Variants in RPH3A observed in about 807,000 individuals in gnomAD.
RPH3A encodes rabphilin-3A.
RPH3A carries 48 observed loss-of-function variants against 102.2 expected under a neutral mutation model. The ratio of observed to expected loss-of-function variants is 0.47; its 90% CI spans 0.37 to 0.60. The LOEUF (loss-of-function observed/expected upper bound fraction) is 0.60. RPH3A is among the 20% of genes least tolerant of loss of function. The probability of loss-of-function intolerance (pLI) is 0.00; values close to 1 mark genes in which losing one functional copy is unlikely to be tolerated. For synonymous variants in RPH3A, 310 were observed against 324.3 expected, an observed-to-expected ratio of 0.96 and a Z score of 0.47; for missense variants, 781 against 910.1, an observed-to-expected ratio of 0.86 and a Z score of 1.83.
intron 1 of RPH3A, among the ~76,000 whole-genome samples, chr12:112,783,489 C>T (rs942386396): frequency 1.3e-5 from 2 of 152,138 alleles, no homozygotes; most frequent in South Asian, 2.1e-4. Context: ...CTCCACTGGC[C>T]GGTAGCTTGG....
intron 1 of RPH3A, among the ~76,000 whole-genome samples, chr12:112,644,581 C>T (rs187446386): frequency 6.6e-6 from 1 of 152,216 alleles, no homozygotes; most frequent in African/African-American, 2.4e-5. Context: ...TGGTACAACA[C>T]CATCCATCTC....
At chr12:112,584,731 C>T (rs1393399346) in intron 1 of RPH3A, among the ~76,000 whole-genome samples, 2 of 152,118 alleles carry the variant, frequency 1.3e-5, no homozygotes, top group African/African-American at 4.8e-5. Context: ...TGGCTTTCCC[C>T]GGAAGGAATG....
At position 112,894,728 on chromosome 12, in the gene RPH3A, C is replaced by T. The variant is rs961247681; in HGVS notation, c.1857+69C>T. 4 of 1,325,330 alleles carry T rather than the reference C, an allele frequency of 3.0e-6. No individual in the cohort carries two copies. The Admixed American group carries it at 6.6e-5, about 22-fold the overall frequency. The allele number at this position is 1,325,330 out of a possible 1,614,324, so 82.1% of individuals were successfully genotyped here. A position where few individuals can be genotyped will look rare whatever the true frequency, so the allele number is the denominator to read the frequency against. On this transcript the variant is annotated intron_variant, in intron 20 of 21. Transcript: ENST00000389385. ...TGTGTTAGAGAGGCACAAATAGCCA[C>T]ATAGCCATTAAATATGTGGCCACAT...
intron 10 of RPH3A, 64 bp downstream of exon 10, chr12:112,870,103 G>A: frequency 2.0e-6 from 3 of 1,492,634 alleles, no homozygotes; most frequent in South Asian, 2.6e-5. Flanking sequence ...AGAATGAGGG[G>A]AACTGTGTTT....
At chr12:112,862,490 T>TAAA (rs2042535859) in intron 5 of RPH3A, among the ~76,000 whole-genome samples, 1 of 152,198 alleles carries the variant, frequency 6.6e-6, no homozygotes, top group African/African-American at 2.4e-5. Context: ...AAGTGCTCAG[T>TAAA]AAACACCAGC....
intron 1 of RPH3A, among the ~76,000 whole-genome samples, chr12:112,588,198 A>C (rs1017069644): frequency 1.3e-5 from 2 of 152,230 alleles, no homozygotes; most frequent in East Asian, 3.8e-4. Flanking sequence ...CTTTTTATGC[A>C]CAGCATTAAA....
intron 1 of RPH3A, among the ~76,000 whole-genome samples, chr12:112,722,498 G>C (rs751969661): frequency 1.3e-5 from 2 of 152,188 alleles, no homozygotes; most frequent in Non-Finnish European, 1.5e-5. Context: ...TTCTTCATCA[G>C]TAATGGACTC....
At chr12:112,858,266 CAAAAAAA>C (rs1164602599) in intron 5 of RPH3A, among the ~76,000 whole-genome samples, 6 of 44,776 alleles carry the variant, frequency 1.3e-4, no homozygotes, top group South Asian at 1.5e-3. Flanking sequence ...GACCCTGTCT[CAAAAAAA>C]AAAAAAAAAA....
chr12:112,871,984 G>C (rs1489805997), intron 10 of RPH3A, among the ~76,000 whole-genome samples: 2 of 151,600 alleles, frequency 1.3e-5, no homozygotes, highest in African/African-American at 4.8e-5. Flanking sequence ...CAACCTTTTA[G>C]CTGTTGTAAA....
chr12:112,688,109 A>T (rs1354144363), intron 1 of RPH3A, among the ~76,000 whole-genome samples: 1 of 152,224 alleles, frequency 6.6e-6, no homozygotes, highest in Non-Finnish European at 1.5e-5. Context: ...TTACATTGAA[A>T]ATATTGTGAC....
chr12:112,634,500 G>T (rs2039833767), intron 1 of RPH3A, among the ~76,000 whole-genome samples: 1 of 147,028 alleles, frequency 6.8e-6, no homozygotes, highest in African/African-American at 2.5e-5. Context: ...AGGTTTCAGT[G>T]AGCTGAAATT....
chr12:112,700,586 G>A (rs977971628), intron 1 of RPH3A, among the ~76,000 whole-genome samples: 5 of 152,094 alleles, frequency 3.3e-5, no homozygotes, highest in African/African-American at 9.7e-5. Context: ...TACACTCTCC[G>A]AGTCTGCACC....
Position 112,875,700 on chromosome 12 carries a change from C to A in RPH3A, c.905C>A (p.Pro302Gln). ...TCAGGGACCCCAGGAGGAAGCAGAC[C>A]GGGTCCTGGGCCAGCAGGACGCTTT... ...GQPGTPGGSR[P>Q]GPGPAGRFPD... The change falls in exon 12 of 22, where the codon CCG (proline) becomes CAG (glutamine). Residue 302 changes from proline to glutamine, a missense_variant. Physicochemically the swap from Pro to Gln is moderately conservative, Grantham distance 76 (BLOSUM62 -1). This residue lies in a region of RPH3A where 730 missense variants were observed against 810.0 expected (regional missense o/e 0.90). Transcript: ENST00000389385. 1 of 1,613,764 alleles carries A rather than the reference C, an allele frequency of 6.2e-7. No individual in the cohort carries two copies. Among genetic ancestry groups the A allele is most frequent in the South Asian group, 1.1e-5 (1 of 91,004 alleles).
intron 1 of RPH3A, among the ~76,000 whole-genome samples, chr12:112,641,646 C>T (rs184307216): frequency 2.0e-5 from 3 of 152,318 alleles, no homozygotes; most frequent in South Asian, 2.1e-4. Context: ...GATCCGTCCA[C>T]CTCGGCCTCC....
At chr12:112,764,639 T>A (rs1265940125) in intron 1 of RPH3A, among the ~76,000 whole-genome samples, 1 of 152,184 alleles carries the variant, frequency 6.6e-6, no homozygotes, top group Non-Finnish European at 1.5e-5. Flanking sequence ...ATTTATTTCA[T>A]CTACCCCTCT....
At chr12:112,887,708 C>T in intron 16 of RPH3A, 89 bp from the exon 17 acceptor site, 3 of 1,383,598 alleles carry the variant, frequency 2.2e-6, no homozygotes, top group South Asian at 1.3e-5. Flanking sequence ...TTACACATTC[C>T]TTACCAGTAT....
chr12:112,782,115 T>C (rs753236725), intron 1 of RPH3A, among the ~76,000 whole-genome samples: 13 of 152,236 alleles, frequency 8.5e-5, no homozygotes, highest in Non-Finnish European at 1.3e-4. Flanking sequence ...AGTGGACAGA[T>C]ACTCTGTTCC....
At chr12:112,768,396 ATCT>A (rs2040905744) in intron 1 of RPH3A, among the ~76,000 whole-genome samples, 1 of 152,034 alleles carries the variant, frequency 6.6e-6, no homozygotes, top group African/African-American at 2.4e-5. Context: ...TTCCTCTCTC[ATCT>A]TCTGGGATTC....
At chr12:112,721,234 C>T (rs1332722391) in intron 1 of RPH3A, among the ~76,000 whole-genome samples, 1 of 152,178 alleles carries the variant, frequency 6.6e-6, no homozygotes, top group African/African-American at 2.4e-5. Flanking sequence ...TAGACATCTA[C>T]TCTTGACATT....
Sources: gnomAD v4.1 joint callset for allele counts (sites outside exome capture counted in the v4.1 genomes callset) on GRCh38, gnomAD v4.1.1 for gene constraint, gnomAD v4.1.1 regional missense constraint, MANE v1.5 for transcripts, NCBI Gene and HGNC (gene_info 2026-07-23, HGNC 2026-07-21) for gene names.